The following DAB1 variants were observed in gnomAD, a reference collection of about 807,000 sequenced individuals.
DAB1 encodes the protein disabled homolog 1.
A neutral mutation model predicts 64.6 loss-of-function variants in DAB1; 15 were observed. That is an observed-to-expected ratio of 0.23 (90% CI 0.16 to 0.36). DAB1 has a LOEUF of 0.36. Among genes scored for constraint, DAB1 ranks in the 10% least tolerant of loss-of-function variants. The pLI, the probability that DAB1 is intolerant of heterozygous loss-of-function variation, is 1.00. For missense variants in DAB1, 596 were observed against 706.7 expected, an observed-to-expected ratio of 0.84 and a Z score of 1.78; for synonymous variants, 235 against 251.9, an observed-to-expected ratio of 0.93 and a Z score of 0.64.
intron 14 of DAB1, among the ~76,000 whole-genome samples, chr1:56,999,287 AG>A (rs1259142247): frequency 6.6e-6 from 1 of 152,212 alleles, no homozygotes; most frequent in African/African-American, 2.4e-5. Context: ...TTAAGCACAG[AG>A]AAGTTAGATA....
intron 4 of DAB1, among the ~76,000 whole-genome samples, chr1:57,115,425 C>G (rs930210914): frequency 2.6e-5 from 4 of 152,158 alleles, no homozygotes; most frequent in African/African-American, 9.7e-5. Context: ...GAGACATACT[C>G]TAGAACAGCC....
intron 6 of DAB1, among the ~76,000 whole-genome samples, chr1:57,707,618 A>T (rs1210247499): frequency 1.3e-5 from 2 of 152,180 alleles, no homozygotes; most frequent in Non-Finnish European, 2.9e-5. Context: ...GACTGGCTGT[A>T]CCATTTTACA....
intron 3 of DAB1, among the ~76,000 whole-genome samples, chr1:58,425,175 C>G (rs967817560): frequency 6.6e-6 from 1 of 152,212 alleles, no homozygotes; most frequent in Non-Finnish European, 1.5e-5. Flanking sequence ...ACAAGCCCCC[C>G]TGCATTCTTC....
rs11585229 is a variant in DAB1, at chr1:57,582,269, C to G, written n.625+67323G>C. ...CTTCACAATCATGGAAGAAGGCAAACGGGAAGCAAGGCACATCTTACAGAG... is the reference window on the plus strand; with the variant it reads ...CTTCACAATCATGGAAGAAGGCAAAGGGGAAGCAAGGCACATCTTACAGAG... On this transcript the variant is annotated intron_variant and non_coding_transcript_variant, in intron 7 of 20. Transcript: ENST00000485760. 4.6e-5 allele frequency among the ~76,000 whole-genome samples: 7 copies of G among 152,086 alleles called. No individual in the cohort carries two copies. In the South Asian group the frequency reaches 1.0e-3, roughly 23 times the overall value.
chr1:57,353,347 C>T (rs182083803), intron 1 of DAB1, among the ~76,000 whole-genome samples: 245 of 152,236 alleles, frequency 1.6e-3, no homozygotes, highest in Non-Finnish European at 2.7e-3. Context: ...GAGGATATGG[C>T]TGTTCCGTCC....
At chr1:57,365,650 A>G (rs1007310324) in intron 1 of DAB1, among the ~76,000 whole-genome samples, 2 of 152,024 alleles carry the variant, frequency 1.3e-5, no homozygotes, top group African/African-American at 4.8e-5. Flanking sequence ...AGAGGCCATG[A>G]TTCAAGTGAG....
chr1:57,937,011 G>A (rs577955354), intron 5 of DAB1, among the ~76,000 whole-genome samples: 3 of 152,056 alleles, frequency 2.0e-5, no homozygotes, highest in East Asian at 3.9e-4. Context: ...CCCTTTGGGC[G>A]CTGGGGGGTT....
intron 3 of DAB1, among the ~76,000 whole-genome samples, chr1:58,455,980 C>T (rs1203611594): frequency 6.6e-6 from 1 of 152,258 alleles, no homozygotes; most frequent in Non-Finnish European, 1.5e-5. Flanking sequence ...TCTACCTCCA[C>T]TCAGTGTATG....
At chr1:58,023,788 G>T (rs1646848167) in intron 5 of DAB1, among the ~76,000 whole-genome samples, 1 of 152,222 alleles carries the variant, frequency 6.6e-6, no homozygotes, top group African/African-American at 2.4e-5. Flanking sequence ...AATTGCCTTG[G>T]ACCCAGCATC....
At position 58,403,856 on chromosome 1, in the gene DAB1, CTAAACA is replaced by C. The variant is rs1557750487; in HGVS notation, n.258-60459_258-60454del. On this transcript the variant is annotated intron_variant and non_coding_transcript_variant, in intron 3 of 20. Transcript: ENST00000485760. ...ACATGACTTGAACAGGCATAAGTCA[CTAAACA>C]GGATTTTGAACCTTGATCTCCTGAC... Among the ~76,000 whole-genome samples the C allele has an allele frequency of 4.1e-4, 62 of 152,310 alleles. 1 individual carries two copies. The South Asian group carries it at 0.012, about 30-fold the overall frequency.
At chr1:58,252,520 G>A (rs1660828324) in intron 4 of DAB1, among the ~76,000 whole-genome samples, 1 of 152,054 alleles carries the variant, frequency 6.6e-6, no homozygotes, top group African/African-American at 2.4e-5. Flanking sequence ...AAGGGAAACA[G>A]ACAGTCCTTT....
chr1:57,978,188 A>G (rs1645969338), intron 5 of DAB1, among the ~76,000 whole-genome samples: 1 of 152,194 alleles, frequency 6.6e-6, no homozygotes, highest in South Asian at 2.1e-4. Context: ...ACAGTAACCA[A>G]AACAGCATGG....
At chr1:58,285,831 G>A (rs1661666804) in intron 4 of DAB1, among the ~76,000 whole-genome samples, 1 of 152,058 alleles carries the variant, frequency 6.6e-6, no homozygotes, top group South Asian at 2.1e-4. Context: ...AATTAATATG[G>A]AACCAAAGAA....
chr1:58,353,422 A>T (rs1644077912), intron 3 of DAB1, among the ~76,000 whole-genome samples: 1 of 152,212 alleles, frequency 6.6e-6, no homozygotes, highest in Admixed American at 6.6e-5. Flanking sequence ...TAACTAAAGA[A>T]GCTGACTGCT....
At chr1:57,060,453 A>G (rs1004644596) in intron 9 of DAB1, among the ~76,000 whole-genome samples, 3 of 152,106 alleles carry the variant, frequency 2.0e-5, no homozygotes, top group Non-Finnish European at 4.4e-5. Context: ...CCTGGCCTTC[A>G]TATATTTATT....
chr1:57,566,122 C>T (rs928616734), intron 7 of DAB1, among the ~76,000 whole-genome samples: 4 of 152,196 alleles, frequency 2.6e-5, no homozygotes, highest in African/African-American at 7.2e-5. Context: ...TTAAGAAACT[C>T]ACTCAAAACC....
At chr1:58,363,622 C>T (rs370785594) in intron 3 of DAB1, among the ~76,000 whole-genome samples, 2 of 152,202 alleles carry the variant, frequency 1.3e-5, no homozygotes, top group African/African-American at 2.4e-5. Flanking sequence ...ATTATTTGTC[C>T]GCTCCACAGC....
At chr1:57,906,118 C>T (rs1385937411) in intron 5 of DAB1, among the ~76,000 whole-genome samples, 1 of 152,138 alleles carries the variant, frequency 6.6e-6, no homozygotes, top group Non-Finnish European at 1.5e-5. Flanking sequence ...GGAAAGGATT[C>T]TTAAAAAGCA....
chr1:58,391,893 T>C (rs1044993187), intron 3 of DAB1, among the ~76,000 whole-genome samples: 3 of 152,238 alleles, frequency 2.0e-5, no homozygotes, highest in Non-Finnish European at 4.4e-5. Flanking sequence ...ACACATTTTA[T>C]AACTGTAGTA....
Sources: allele counts gnomAD v4.1 joint callset (sites outside exome capture counted in the v4.1 genomes callset), GRCh38; gene constraint gnomAD v4.1.1; transcripts MANE v1.5; gene names NCBI Gene and HGNC (gene_info 2026-07-23, HGNC 2026-07-21).